The following PRKAG2 variants were observed in gnomAD, a reference collection of about 807,000 sequenced individuals.
The protein encoded by PRKAG2 is 5'-AMP-activated protein kinase subunit gamma-2.
A neutral mutation model predicts 69.6 loss-of-function variants in PRKAG2; 26 were observed. The ratio of observed to expected loss-of-function variants is 0.37; its 90% CI spans 0.27 to 0.52. The LOEUF (loss-of-function observed/expected upper bound fraction) is 0.52. Ranked by LOEUF, PRKAG2 falls within the 20% of genes least tolerant of loss-of-function variation. PRKAG2 has a pLI of 0.90. For synonymous variants in PRKAG2, 293 were observed against 285.0 expected, an observed-to-expected ratio of 1.03 and a Z score of -0.28; for missense variants, 557 against 740.0, an observed-to-expected ratio of 0.75 and a Z score of 2.87.
chr7:151,741,430 C>A (rs139725608), intron 3 of PRKAG2, among the ~76,000 whole-genome samples: 2,206 of 152,262 alleles, frequency 0.014, 49 homozygotes, highest in African/African-American at 0.051. Flanking sequence ...ATAATCCCAG[C>A]ATTTTGGGAG....
At chr7:151,640,920 A>C (rs1483661285) in intron 4 of PRKAG2, among the ~76,000 whole-genome samples, 7 of 152,232 alleles carry the variant, frequency 4.6e-5, no homozygotes, top group Non-Finnish European at 8.8e-5. Flanking sequence ...ACATCCATTA[A>C]AACTTGGTAG....
chr7:151,727,417 C>G (rs935905472), intron 3 of PRKAG2, among the ~76,000 whole-genome samples: 1 of 152,062 alleles, frequency 6.6e-6, no homozygotes, highest in Non-Finnish European at 1.5e-5. Flanking sequence ...CCAGCAGCCA[C>G]GGGAGCCCCG....
intron 3 of PRKAG2, among the ~76,000 whole-genome samples, chr7:151,723,687 C>T (rs1234332610): frequency 6.6e-6 from 1 of 152,204 alleles, no homozygotes; most frequent in Non-Finnish European, 1.5e-5. Context: ...TGATTTCCAA[C>T]CTACAGGGAG....
chr7:151,863,468 C>T lies in PRKAG2; in HGVS notation c.114+13039G>A, dbSNP rs74508933. On this transcript the variant is annotated intron_variant, in intron 1 of 15. Transcript: ENST00000287878. Reference sequence around the variant, plus strand: ...TCAGCTGAGGCCTTTGGTGTGAATGCTTCATCGCCCTTCCCCTCTGCTCAG... The same window carrying T: ...TCAGCTGAGGCCTTTGGTGTGAATGTTTCATCGCCCTTCCCCTCTGCTCAG... Among the ~76,000 whole-genome samples, 21 of 152,208 alleles carry T rather than the reference C, an allele frequency of 1.4e-4. No homozygotes were observed. In the East Asian group the frequency reaches 4.1e-3, roughly 29 times the overall value.
chr7:151,563,681 GGGATC>G (rs1805589761), intron 14 of PRKAG2, among the ~76,000 whole-genome samples: 3 of 152,178 alleles, frequency 2.0e-5, no homozygotes, highest in Non-Finnish European at 4.4e-5. Flanking sequence ...TTGGATTCAA[GGGATC>G]CTCCTTCCTC....
chr7:151,591,005 A>G (rs1812975636), intron 6 of PRKAG2, among the ~76,000 whole-genome samples: 1 of 152,204 alleles, frequency 6.6e-6, no homozygotes, highest in Admixed American at 6.5e-5. Context: ...ACTATACAGG[A>G]GGAATCCACA....
chr7:151,844,687 T>C (rs1286411413), intron 1 of PRKAG2, among the ~76,000 whole-genome samples: 1 of 152,224 alleles, frequency 6.6e-6, no homozygotes, highest in Non-Finnish European at 1.5e-5. Context: ...ATACACTAAC[T>C]TTCTGTGGCT....
intron 3 of PRKAG2, among the ~76,000 whole-genome samples, chr7:151,712,675 G>T (rs1034960711): frequency 2.0e-5 from 3 of 152,250 alleles, no homozygotes; most frequent in Non-Finnish European, 4.4e-5. Context: ...AAAAAAGGGA[G>T]TGCATGCAGA....
At chr7:151,697,275 G>A (rs377027344) in intron 3 of PRKAG2, among the ~76,000 whole-genome samples, 12 of 152,228 alleles carry the variant, frequency 7.9e-5, no homozygotes, top group African/African-American at 2.9e-4. Context: ...CTGCTCTTGG[G>A]GTCCCAACAG....
intron 11 of PRKAG2, chr7:151,566,760 T>C (rs1226503360): frequency 6.6e-6 from 2 of 304,022 alleles, no homozygotes; most frequent in African/African-American, 4.3e-5. Flanking sequence ...CATCTCAACA[T>C]AGCGAATTCC....
intron 3 of PRKAG2, among the ~76,000 whole-genome samples, chr7:151,714,161 T>C (rs1795771825): frequency 6.6e-6 from 1 of 152,050 alleles, no homozygotes; most frequent in Admixed American, 6.6e-5. Flanking sequence ...GGGGTTGTCA[T>C]GGGGAATAAA....
chr7:151,812,432 T>C (rs925125946), intron 1 of PRKAG2, among the ~76,000 whole-genome samples: 1 of 152,216 alleles, frequency 6.6e-6, no homozygotes, highest in African/African-American at 2.4e-5. Flanking sequence ...AAATCCAAGA[T>C]GGATTCCATT....
At chr7:151,849,064 G>A (rs541082857) in intron 1 of PRKAG2, among the ~76,000 whole-genome samples, 1 of 152,236 alleles carries the variant, frequency 6.6e-6, no homozygotes, top group East Asian at 1.9e-4. Flanking sequence ...TGTTCTGAAC[G>A]AAAATGGGTT....
intron 3 of PRKAG2, among the ~76,000 whole-genome samples, chr7:151,759,027 C>T (rs564750623): frequency 6.6e-6 from 1 of 152,274 alleles, no homozygotes; most frequent in African/African-American, 2.4e-5. Context: ...TGCATTGCAT[C>T]CGATCGACAT....
At chr7:151,752,367 CAAAG>C (rs140124756) in intron 3 of PRKAG2, among the ~76,000 whole-genome samples, 1,969 of 152,078 alleles carry the variant, frequency 0.013, 35 homozygotes, top group African/African-American at 0.044. Flanking sequence ...CTTACGAACA[CAAAG>C]AAAGAAACGA....
At chr7:151,844,051 G>T (rs1047770253) in intron 1 of PRKAG2, among the ~76,000 whole-genome samples, 3 of 152,232 alleles carry the variant, frequency 2.0e-5, no homozygotes, top group African/African-American at 7.2e-5. Context: ...GGTAGAAGGA[G>T]GAGATAGAAG....
At chr7:151,824,856 C>T (rs1459776586) in intron 1 of PRKAG2, among the ~76,000 whole-genome samples, 10 of 152,188 alleles carry the variant, frequency 6.6e-5, no homozygotes, top group Admixed American at 6.5e-4. Flanking sequence ...TGCCCCCTTC[C>T]CTCTCTTTCT....
At chr7:151,603,846 T>TTC (rs1167841838) in intron 5 of PRKAG2, among the ~76,000 whole-genome samples, 1 of 152,124 alleles carries the variant, frequency 6.6e-6, no homozygotes, top group Non-Finnish European at 1.5e-5. Context: ...TGGCAAGGAG[T>TTC]TATGCCCTAC....
intron 7 of PRKAG2, 169 bp downstream of exon 7, chr7:151,576,202 A>T (rs1439163625): frequency 4.2e-6 from 3 of 718,954 alleles, no homozygotes; most frequent in East Asian, 5.6e-5. Context: ...TGGCCTCCCA[A>T]AGTGCTGAGA....
Sources: gnomAD v4.1 joint callset for allele counts (sites outside exome capture counted in the v4.1 genomes callset) on GRCh38, gnomAD v4.1.1 for gene constraint, MANE v1.5 for transcripts, NCBI Gene and HGNC (gene_info 2026-07-23, HGNC 2026-07-21) for gene names.